The following NPTXR variants were observed in gnomAD, a reference collection of about 807,000 sequenced individuals.
NPTXR encodes neuronal pentraxin receptor.
A neutral mutation model predicts 32.2 loss-of-function variants in NPTXR; 12 were observed. That is an observed-to-expected ratio of 0.37 (90% CI 0.24 to 0.60). The LOEUF (loss-of-function observed/expected upper bound fraction) is 0.60. Ranked by LOEUF, NPTXR falls within the 20% of genes least tolerant of loss-of-function variation. The probability of loss-of-function intolerance (pLI) is 0.66; values close to 1 mark genes in which losing one functional copy is unlikely to be tolerated. For missense variants in NPTXR, 612 were observed against 682.9 expected (o/e 0.90, Z 1.16); for synonymous variants, 323 against 315.8 (o/e 1.02, Z -0.24).
chr22:38,826,606 C>A lies in NPTXR; in HGVS notation c.992G>T (p.Gly331Val). The A allele has an allele frequency of 6.2e-7, 1 of 1,614,252 alleles. No individual in the cohort carries two copies. The highest frequency in any genetic ancestry group is 8.5e-7 in the Non-Finnish European group (1 of 1,180,052). The change falls in exon 3 of 5, where the codon GGC (glycine) becomes GTC (valine). Residue 331 changes from glycine (G) to valine (V), a missense_variant. Gly to Val is a moderately radical substitution (Grantham distance 109). Coordinates refer to ENST00000333039, the MANE Select transcript of NPTXR (RefSeq NM_014293.4). ...GGAGAAGGGGGTGCCCTGGCCGGTG[C>A]CGCTGGACCTGGACCGCAGCCACAT...
intron 1 of NPTXR, among the ~76,000 whole-genome samples, chr22:38,836,564 G>A (rs955946760): frequency 6.6e-6 from 1 of 152,184 alleles, no homozygotes; most frequent in African/African-American, 2.4e-5. Context: ...AACTGACTAC[G>A]GTGACAGGAG....
rs939608206 is a variant in NPTXR at position 38,829,941 on chromosome 22, G to C, written c.625-1429C>G. Among the ~76,000 whole-genome samples the C allele has an allele frequency of 2.0e-5, 3 of 152,214 alleles. No individual in the cohort carries two copies. The East Asian group carries it at 5.8e-4, about 29-fold the overall frequency. ...TGTCAGTCATTTGCTGGGTGACACT[G>C]GACACTGCTGGTGGCTGCTGTGACT... is the stretch of plus-strand genomic sequence containing the variant. On this transcript the variant is annotated intron_variant, in intron 1 of 4. Coordinates refer to ENST00000333039, the MANE Select transcript of NPTXR (RefSeq NM_014293.4).
In NPTXR at chr22:38,819,428, C is replaced by T. The variant is rs1025920796; in HGVS notation, c.*3181G>A. Reference sequence around the variant, plus strand: ...CCCACCCCCTGCCTCTGTTCCTTCACTTCAAGCCCTGTGGGCTGGGAAAGG... The same window carrying T: ...CCCACCCCCTGCCTCTGTTCCTTCATTTCAAGCCCTGTGGGCTGGGAAAGG... On this transcript the variant is annotated 3_prime_UTR_variant, in exon 5 of 5. Coordinates refer to ENST00000333039, the MANE Select transcript of NPTXR (RefSeq NM_014293.4). 6.6e-6 allele frequency: 1 copy of T among 152,476 alleles called. No individual in the cohort carries two copies. Among genetic ancestry groups the T allele is most frequent in the Non-Finnish European group, 1.5e-5 (1 of 68,212 alleles). The allele number at this position is 152,476 out of a possible 1,614,324, so 9.4% of individuals were successfully genotyped here.
rs937329148 is a variant in NPTXR at position 38,821,016 on chromosome 22, T to A, written c.*1593A>T. 6.6e-6 allele frequency: 1 copy of A among 152,364 alleles called. No homozygotes were observed. The allele number at this position is 152,364 out of a possible 1,614,324, so 9.4% of individuals were successfully genotyped here. On this transcript the variant is annotated 3_prime_UTR_variant, in exon 5 of 5. Coordinates refer to ENST00000333039, the MANE Select transcript of NPTXR (RefSeq NM_014293.4). ...TTCAAGAGATTCTTCTGCCTCGGCCTCCCGAGTAGCTGGGACTACAGGCAT... is the reference window on the plus strand; with the variant it reads ...TTCAAGAGATTCTTCTGCCTCGGCCACCCGAGTAGCTGGGACTACAGGCAT...
intron 2 of NPTXR, 101 bp downstream of exon 2, chr22:38,828,186 A>G: frequency 1.1e-6 from 1 of 888,552 alleles, no homozygotes; most frequent in Non-Finnish European, 1.8e-6. Flanking sequence ...CCCACCCTCC[A>G]GTCTGTCGAT....
rs3747176 is a variant in NPTXR, at chr22:38,843,167, C to T, written c.624+68G>A. The T allele has an allele frequency of 8.0e-7, 1 of 1,246,944 alleles. No individual in the cohort carries two copies. Among genetic ancestry groups the T allele is most frequent in the African/African-American group, 1.6e-5 (1 of 63,666 alleles). The allele number at this position is 1,246,944 out of a possible 1,614,324, so 77.2% of individuals were successfully genotyped here. On this transcript the variant is annotated intron_variant, in intron 1 of 4. Transcript: ENST00000333039. The surrounding 1 kb of genome is among the most constrained non-coding windows in gnomAD (Gnocchi z 5.3). ...GGGAGACCGGAGGCTCGGGGACCGC[C>T]GGACGACCGCGGCCGGGCGGCCCCT... is the stretch of plus-strand genomic sequence containing the variant.
At chr22:38,841,423 T>C (rs1370025745) in intron 1 of NPTXR, among the ~76,000 whole-genome samples, 1 of 152,196 alleles carries the variant, frequency 6.6e-6, no homozygotes, top group Non-Finnish European at 1.5e-5. Context: ...CCCTGCCAAA[T>C]GCTGCAGGTG....
intron 1 of NPTXR, among the ~76,000 whole-genome samples, chr22:38,838,228 GA>G (rs2093126907): frequency 2.0e-5 from 3 of 152,076 alleles, no homozygotes; most frequent in Admixed American, 1.3e-4. Flanking sequence ...TCTTTGTATG[GA>G]GGGGAAAACT....
chr22:38,843,427 G>A lies in NPTXR; in HGVS notation c.432C>T (p.Ile144=). 3 of 1,390,990 alleles carry A rather than the reference G, an allele frequency of 2.2e-6. No individual in the cohort carries two copies. Among genetic ancestry groups the A allele is most frequent in the South Asian group, 1.6e-5 (1 of 61,288 alleles). The allele number at this position is 1,390,990 out of a possible 1,614,324, so 86.2% of individuals were successfully genotyped here. ...CACGGATGGTGTCCTGGTCGGCGCG[G>A]ATGCGCGCCTCCTGCTGCAGCGCCG... The change falls in exon 1 of 5, where the codon ATC becomes ATT. Residue 144 remains isoleucine, a synonymous_variant. Coordinates refer to ENST00000333039, the MANE Select transcript of NPTXR (RefSeq NM_014293.4). The surrounding 1 kb of genome is among the most constrained non-coding windows in gnomAD (Gnocchi z 5.3).
rs149439995 is a variant in NPTXR at position 38,842,247 on chromosome 22, G to A, written c.624+988C>T. 7.3e-3 allele frequency among the ~76,000 whole-genome samples: 1,111 copies of A among 152,334 alleles called. 9 individuals carry two copies. The highest frequency in any genetic ancestry group is 0.025 in the African/African-American group (1,056 of 41,572). On this transcript the variant is annotated intron_variant, in intron 1 of 4. Coordinates refer to ENST00000333039, the MANE Select transcript of NPTXR (RefSeq NM_014293.4). ...GTGGAGGTAGCAGAGGGGGCAGCGC[G>A]GGCTTTGGCCTCTTTCTCTCTCTTC...
chr22:38,833,011 C>T (rs1460457924), intron 1 of NPTXR, among the ~76,000 whole-genome samples: 1 of 152,164 alleles, frequency 6.6e-6, no homozygotes, highest in Non-Finnish European at 1.5e-5. Flanking sequence ...CTTAGCCCCA[C>T]CCGGGGTCTA....
At chr22:38,823,330 G>A (rs1274322887) in intron 3 of NPTXR, 68 bp from the exon 4 acceptor site, 9 of 1,483,280 alleles carry the variant, frequency 6.1e-6, no homozygotes, top group Non-Finnish European at 7.3e-6. Context: ...CTGAGGCAGT[G>A]GGGTGGGGCT....
intron 3 of NPTXR, among the ~76,000 whole-genome samples, chr22:38,825,507 G>A (rs1338663774): frequency 6.6e-6 from 1 of 152,180 alleles, no homozygotes; most frequent in Non-Finnish European, 1.5e-5. Flanking sequence ...CTAAACGCTA[G>A]GATCTGCTCA....
rs760942378 is a variant in NPTXR, at chr22:38,822,638, C to T, written c.1474G>A (p.Asp492Asn). 21 of 1,613,304 alleles carry T rather than the reference C, an allele frequency of 1.3e-5. No homozygotes were observed. The South Asian group carries it at 1.3e-4, about 10-fold the overall frequency. Residue 492 changes from aspartate to asparagine, a missense_variant, in exon 5 of 5, where the codon GAT (aspartate) becomes AAT (asparagine). Asp to Asn is a conservative substitution (Grantham distance 23). Transcript: ENST00000333039. Reference sequence around the variant, plus strand: ...GCCTTGGCCCTCCCCTTGCAGACATCGAAGGCAGCCTTTGTTGCACCCCCA... The same window carrying T: ...GCCTTGGCCCTCCCCTTGCAGACATTGAAGGCAGCCTTTGTTGCACCCCCA...
chr22:38,835,601 A>C (rs1200638872), intron 1 of NPTXR, among the ~76,000 whole-genome samples: 2 of 152,082 alleles, frequency 1.3e-5, no homozygotes, highest in Non-Finnish European at 2.9e-5. Context: ...TCCCTTCAAA[A>C]GTCCCTCCTG....
chr22:38,828,206 C>T (rs1402670895), intron 2 of NPTXR, 81 bp downstream of exon 2: 6 of 1,170,508 alleles, frequency 5.1e-6, no homozygotes, highest in East Asian at 2.4e-5. Context: ...TGTTAGCCTC[C>T]GGGGAGCATG....
At position 38,821,886 on chromosome 22, in the gene NPTXR, C is replaced by CA. The variant is rs2093097820; in HGVS notation, c.*722dup. The CA allele has an allele frequency of 6.5e-6, 1 of 154,006 alleles. No individual in the cohort carries two copies. Among genetic ancestry groups the CA allele is most frequent in the Admixed American group, 6.5e-5 (1 of 15,450 alleles). 9.5% of individuals were successfully genotyped at this position (154,006 alleles called of 1,614,324 possible). Reference sequence around the variant, plus strand: ...CAGTGGCCATCACTATGGGTGAGCACAAGGGGTGACTGCAGCCCTTTGGCC... The same window carrying CA: ...CAGTGGCCATCACTATGGGTGAGCACAAAGGGGTGACTGCAGCCCTTTGGCC... On this transcript the variant is annotated 3_prime_UTR_variant, in exon 5 of 5. Coordinates refer to ENST00000333039, the MANE Select transcript of NPTXR (RefSeq NM_014293.4).
chr22:38,843,879 C>T lies in NPTXR; in HGVS notation c.-21G>A. ...TTCAGCGTGAGGCGGGCGGCGGGGG[C>T]GCCCGAGGCCCCCGGCAGGCGCGGC... On this transcript the variant is annotated 5_prime_UTR_variant, in exon 1 of 5. Transcript: ENST00000333039. This position sits in a 1 kb window ranked among gnomAD's most constrained non-coding sequence, Gnocchi z 5.3. 1 of 987,206 alleles carries T rather than the reference C, an allele frequency of 1.0e-6. No homozygotes were observed. The allele number at this position is 987,206 out of a possible 1,614,324, so 61.2% of individuals were successfully genotyped here.
intron 1 of NPTXR, among the ~76,000 whole-genome samples, chr22:38,832,554 C>T (rs2093118002): frequency 1.3e-5 from 2 of 152,224 alleles, no homozygotes; most frequent in Admixed American, 1.3e-4. Context: ...GCAGCTGTCT[C>T]CATCGAGCAC....
Sources: allele counts gnomAD v4.1 joint callset (sites outside exome capture counted in the v4.1 genomes callset), GRCh38; gene constraint gnomAD v4.1.1; non-coding constraint Gnocchi (gnomAD v3.1); transcripts MANE v1.5; gene names NCBI Gene and HGNC (gene_info 2026-07-23, HGNC 2026-07-21).